The following KLRD1 variants were observed in gnomAD, a reference collection of about 807,000 sequenced individuals.
The protein encoded by KLRD1 is killer cell lectin like receptor D1.
KLRD1 carries 21 observed loss-of-function variants against 22.6 expected under a neutral mutation model. The ratio of observed to expected loss-of-function variants is 0.93; its 90% CI spans 0.66 to 1.34. KLRD1 has a LOEUF of 1.34. Ranked by LOEUF, KLRD1 falls within the 40% of genes most tolerant of loss-of-function variation. KLRD1 has a pLI of 0.00. For missense variants in KLRD1, 183 were observed against 208.6 expected, an observed-to-expected ratio of 0.88 and a Z score of 0.76; for synonymous variants, 59 against 71.1, an observed-to-expected ratio of 0.83 and a Z score of 0.85.
chr12:10,289,657 T>C (rs562973839), intron 1 of KLRD1, among the ~76,000 whole-genome samples: 1 of 152,296 alleles, frequency 6.6e-6, no homozygotes, highest in Admixed American at 6.5e-5. Context: ...TTTGGTTTGG[T>C]TTGTTTATTT....
At chr12:10,306,352 CT>C (rs951933813), upstream of KLRD1, among the ~76,000 whole-genome samples, 21 of 151,844 alleles carry the variant, frequency 1.4e-4, no homozygotes, top group Admixed American at 8.5e-4. Flanking sequence ...ATTTTTATTT[CT>C]AAGTCAGTGA....
At position 10,259,005 on chromosome 12, in the gene KLRD1, G is replaced by T. The variant is rs966253145; in HGVS notation, c.-101+32772G>T. 6.6e-5 allele frequency among the ~76,000 whole-genome samples: 10 copies of T among 152,302 alleles called. No individual in the cohort carries two copies. The South Asian group carries it at 2.1e-3, about 32-fold the overall frequency. Reference sequence around the variant, plus strand: ...ATAAATAGAATTAGTCTGCAAGCAAGACTTAGTTGATGGGAAAGAGAAACA... The same window carrying T: ...ATAAATAGAATTAGTCTGCAAGCAATACTTAGTTGATGGGAAAGAGAAACA... On this transcript the variant is annotated intron_variant, in intron 1 of 5. Coordinates refer to the KLRD1 transcript ENST00000544747.
chr12:10,285,280 C>T (rs192245530), intron 1 of KLRD1, among the ~76,000 whole-genome samples: 4 of 152,286 alleles, frequency 2.6e-5, no homozygotes, highest in African/African-American at 9.6e-5. Flanking sequence ...AGTAGAGAGT[C>T]GTGTGACTGA....
upstream of KLRD1, among the ~76,000 whole-genome samples, chr12:10,300,138 A>G (rs955064383): frequency 4.8e-4 from 73 of 152,314 alleles, no homozygotes; most frequent in African/African-American, 1.6e-3. Flanking sequence ...ACTTCCTTCC[A>G]TGAATCATGA....
intron 1 of KLRD1, among the ~76,000 whole-genome samples, chr12:10,262,902 ATGAC>A (rs1263775410): frequency 6.6e-6 from 1 of 152,048 alleles, no homozygotes; most frequent in Non-Finnish European, 1.5e-5. Flanking sequence ...TTATGAGTCA[ATGAC>A]TGGTGATTTA....
rs1446910076 is a variant in KLRD1, at chr12:10,275,730, A to G, written c.-100-32248A>G. Among the ~76,000 whole-genome samples, 4 of 152,248 alleles carry G rather than the reference A, an allele frequency of 2.6e-5. No homozygotes were observed. The South Asian group carries it at 6.2e-4, about 24-fold the overall frequency. ...GCAAAACTGCGTTTGTATATCCTCC[A>G]CTCTTTTTAAGATAAACTTTTATGA... On this transcript the variant is annotated intron_variant, in intron 1 of 5. Coordinates refer to the KLRD1 transcript ENST00000544747.
chr12:10,261,831 T>C (rs1257337255), intron 1 of KLRD1, among the ~76,000 whole-genome samples: 1 of 152,130 alleles, frequency 6.6e-6, no homozygotes, highest in Non-Finnish European at 1.5e-5. Context: ...ATCATAAGAT[T>C]AATGGGAAAA....
At chr12:10,268,203 G>T (rs10845099) in intron 1 of KLRD1, among the ~76,000 whole-genome samples, 1 of 152,040 alleles carries the variant, frequency 6.6e-6, no homozygotes, top group Admixed American at 6.6e-5. Context: ...CAGATGTGGA[G>T]AATTACACTG....
chr12:10,274,224 G>A (rs1433738913), intron 1 of KLRD1, among the ~76,000 whole-genome samples: 1 of 152,104 alleles, frequency 6.6e-6, no homozygotes, highest in African/African-American at 2.4e-5. Context: ...AGGTTGTAGT[G>A]AGCTGAGATC....
At chr12:10,279,862 C>G (rs980686696) in intron 1 of KLRD1, among the ~76,000 whole-genome samples, 1 of 152,172 alleles carries the variant, frequency 6.6e-6, no homozygotes, top group Non-Finnish European at 1.5e-5. Flanking sequence ...TGTGGTCCTA[C>G]TTGTCCAAAT....
chr12:10,254,872 A>G (rs1212868769), intron 1 of KLRD1, among the ~76,000 whole-genome samples: 1 of 150,296 alleles, frequency 6.7e-6, no homozygotes, highest in Non-Finnish European at 1.5e-5. Context: ...CAGCCTAGGC[A>G]ACAGAGCGAG....
chr12:10,312,051 C>CTTTTTTTT (rs71049085), intron 4 of KLRD1, among the ~76,000 whole-genome samples: 3 of 123,190 alleles, frequency 2.4e-5, no homozygotes, highest in Non-Finnish European at 3.4e-5. Flanking sequence ...CTTTTCTTTT[C>CTTTTTTTT]TTTTTTTTTT....
intron 1 of KLRD1, among the ~76,000 whole-genome samples, chr12:10,281,564 T>C (rs1949643339): frequency 6.6e-6 from 1 of 152,104 alleles, no homozygotes; most frequent in South Asian, 2.1e-4. Flanking sequence ...GTTGCAGGGC[T>C]CCGCAGGGAT....
rs1592081410 is a variant in KLRD1 at position 10,307,957 on chromosome 12, TTCTTCATA to T, written c.-120_-113del. The T allele has an allele frequency of 1.1e-6, 1 of 879,556 alleles. No individual in the cohort carries two copies. The highest frequency in any genetic ancestry group is 1.9e-6 in the Non-Finnish European group (1 of 538,714). The allele number at this position is 879,556 out of a possible 1,614,324, so 54.5% of individuals were successfully genotyped here. ...TTTTCATTCTCTATTTTTGCTAAAT[TTCTTCATA>T]CTCAACTTTCAGATTCTTTAATCTC... On this transcript the variant is annotated 5_prime_UTR_variant, in exon 1 of 6. Coordinates refer to ENST00000336164, the MANE Select transcript of KLRD1 (RefSeq NM_002262.5).
rs904342213 is a variant in KLRD1 at position 10,319,852 on chromosome 12, TAA to T, written c.*5061_*5062del. The T allele has an allele frequency of 2.0e-5, 3 of 150,430 alleles. No individual in the cohort carries two copies. Among genetic ancestry groups the T allele is most frequent in the Non-Finnish European group, 4.4e-5 (3 of 68,264 alleles). 9.3% of individuals were successfully genotyped at this position (150,430 alleles called of 1,614,324 possible). ...CACTCTCAGAAGCTGTGTGAAATAG[TAA>T]AGTGTTTATTCTTTTTTTTTTTTTT... On this transcript the variant is annotated 3_prime_UTR_variant, in exon 6 of 6. Coordinates refer to ENST00000336164, the MANE Select transcript of KLRD1 (RefSeq NM_002262.5).
intron 1 of KLRD1, among the ~76,000 whole-genome samples, chr12:10,296,493 G>C (rs1172867475): frequency 1.3e-5 from 2 of 151,990 alleles, no homozygotes; most frequent in African/African-American, 2.4e-5. Context: ...TGCAGCCTGG[G>C]CGACACAGCG....
intron 1 of KLRD1, among the ~76,000 whole-genome samples, chr12:10,293,515 A>T (rs1043681771): frequency 5.9e-5 from 9 of 152,154 alleles, no homozygotes; most frequent in East Asian, 3.9e-4. Context: ...ACATTCATCA[A>T]TTAATTTCAT....
chr12:10,317,224 A>G lies in KLRD1; in HGVS notation c.*2431A>G, dbSNP rs1026419429. ...TGGTTCCAAGTCTTTGCTATGGTAA[A>G]TAGTGCTGCAATAAACATACGTGTG... On this transcript the variant is annotated 3_prime_UTR_variant, in exon 6 of 6. Coordinates refer to ENST00000336164, the MANE Select transcript of KLRD1 (RefSeq NM_002262.5). The G allele has an allele frequency of 6.6e-6, 1 of 152,180 alleles. No homozygotes were observed. The highest frequency in any genetic ancestry group is 2.4e-5 in the African/African-American group (1 of 41,434). The allele number at this position is 152,180 out of a possible 1,614,324, so 9.4% of individuals were successfully genotyped here. A position where few individuals can be genotyped will look rare whatever the true frequency, so the allele number is the denominator to read the frequency against.
intron 4 of KLRD1, 147 bp downstream of exon 4, chr12:10,311,762 A>G (rs1482159854): frequency 6.8e-6 from 4 of 587,476 alleles, no homozygotes; most frequent in African/African-American, 3.7e-5. Flanking sequence ...TGTACCTTAA[A>G]GTAGTCATTG....
Sources: allele counts gnomAD v4.1 joint callset (sites outside exome capture counted in the v4.1 genomes callset), GRCh38; gene constraint gnomAD v4.1.1; transcripts MANE v1.5; gene names NCBI Gene and HGNC (gene_info 2026-07-23, HGNC 2026-07-21).